Variants in SCAF8 observed in about 807,000 individuals in gnomAD.
The protein encoded by SCAF8 is SR-related and CTD-associated factor 8.
Under a neutral mutation model 140.5 loss-of-function variants are expected in SCAF8, and 23 were observed. The ratio of observed to expected loss-of-function variants is 0.16; its 90% CI spans 0.12 to 0.23. The LOEUF (loss-of-function observed/expected upper bound fraction) is 0.23. Among genes scored for constraint, SCAF8 ranks in the 10% least tolerant of loss-of-function variants. The pLI, the probability that SCAF8 is intolerant of heterozygous loss-of-function variation, is 1.00. For synonymous variants in SCAF8, 575 were observed against 528.9 expected (o/e 1.09, Z -1.20); for missense variants, 1,397 against 1,555.7 (o/e 0.90, Z 1.72).
rs370598712 is a variant in SCAF8 at position 154,788,034 on chromosome 6, G to GT, written c.321+24dup. 0.098 allele frequency: 99,486 copies of GT among 1,015,942 alleles called. 2 individuals are homozygous for GT. Among genetic ancestry groups the GT allele is most frequent in the South Asian group, 0.12 (6,507 of 55,748 alleles). The allele number at this position is 1,015,942 out of a possible 1,614,324, so 62.9% of individuals were successfully genotyped here. On this transcript the variant is annotated intron_variant, in intron 4 of 19. Coordinates refer to ENST00000367178, the MANE Select transcript of SCAF8 (RefSeq NM_014892.5). Reference sequence around the variant, plus strand: ...CTGGGGATGACAAGGTATGCTACTGGTTTTTTTTTTTTGTTTTTTTAAAAG... The same window carrying GT: ...CTGGGGATGACAAGGTATGCTACTGGTTTTTTTTTTTTTGTTTTTTTAAAAG...
chr6:154,750,830 C>G (rs563638275), intron 1 of SCAF8, among the ~76,000 whole-genome samples: 2 of 152,274 alleles, frequency 1.3e-5, no homozygotes, highest in Non-Finnish European at 2.9e-5. Context: ...CCAACTAATA[C>G]AATTCTGGTA....
At chr6:154,751,570 C>T (rs1019547404) in intron 1 of SCAF8, among the ~76,000 whole-genome samples, 1 of 152,036 alleles carries the variant, frequency 6.6e-6, no homozygotes, top group South Asian at 2.1e-4. Context: ...CTGAAAGACT[C>T]GTTTTACAGA....
chr6:154,738,294 A>G (rs1468031349), intron 1 of SCAF8, among the ~76,000 whole-genome samples: 2 of 152,112 alleles, frequency 1.3e-5, no homozygotes, highest in South Asian at 2.1e-4. Context: ...TTCATGCAAG[A>G]TATGTATGAG....
At chr6:154,766,695 C>T (rs1269667606) in intron 1 of SCAF8, among the ~76,000 whole-genome samples, 2 of 122,110 alleles carry the variant, frequency 1.6e-5, no homozygotes, top group East Asian at 6.3e-4. Flanking sequence ...GCTATATCCA[C>T]AATTTTATGA....
At chr6:154,749,326 A>G (rs1041286966) in intron 1 of SCAF8, among the ~76,000 whole-genome samples, 2 of 152,196 alleles carry the variant, frequency 1.3e-5, no homozygotes, top group Non-Finnish European at 2.9e-5. Flanking sequence ...CTTTAATACA[A>G]TAATAGCCTA....
At chr6:154,765,892 A>G (rs1331605619) in intron 1 of SCAF8, among the ~76,000 whole-genome samples, 1 of 152,186 alleles carries the variant, frequency 6.6e-6, no homozygotes. Context: ...CAGCTGACCC[A>G]TGAACAATGG....
chr6:154,829,889 G>T (rs1302685671), intron 18 of SCAF8, among the ~76,000 whole-genome samples: 1 of 152,152 alleles, frequency 6.6e-6, no homozygotes, highest in Non-Finnish European at 1.5e-5. Context: ...CCTGGCAACC[G>T]AGCGAGAGAC....
At chr6:154,761,967 A>G (rs543890076) in intron 1 of SCAF8, among the ~76,000 whole-genome samples, 36 of 152,334 alleles carry the variant, frequency 2.4e-4, no homozygotes, top group Admixed American at 1.9e-3. Flanking sequence ...TATGCAAAAT[A>G]CTGAATTTTT....
intron 1 of SCAF8, among the ~76,000 whole-genome samples, chr6:154,764,780 C>T (rs1489890352): frequency 6.6e-6 from 1 of 152,090 alleles, no homozygotes; most frequent in Non-Finnish European, 1.5e-5. Flanking sequence ...AAGTAAGGTC[C>T]CAGAATCAGC....
At chr6:154,770,408 TC>T (rs1776712408) in intron 1 of SCAF8, among the ~76,000 whole-genome samples, 1 of 149,752 alleles carries the variant, frequency 6.7e-6, no homozygotes, top group Admixed American at 6.6e-5. Context: ...TCTCTCTCTC[TC>T]TCTCTCTCTC....
At position 154,830,963 on chromosome 6, in the gene SCAF8, A is replaced by G; in HGVS notation, c.2182A>G (p.Lys728Glu). 6.2e-7 allele frequency: 1 copy of G among 1,614,122 alleles called. No individual in the cohort carries two copies. The highest frequency in any genetic ancestry group is 8.5e-7 in the Non-Finnish European group (1 of 1,179,970). The change falls in exon 19 of 20, where the codon AAA becomes GAA. Residue 728 changes from lysine to glutamate, a missense_variant. Physicochemically the swap from Lys to Glu is moderately conservative, Grantham distance 56. Transcript: ENST00000367178. ...ATTATCCATGACACCGGAAACTGTGAAAGATGTTGGATTTGGTAGCCTTGT... is the reference window on the plus strand; with the variant it reads ...ATTATCCATGACACCGGAAACTGTGGAAGATGTTGGATTTGGTAGCCTTGT... ...PSLSMTPETV[K>E]DVGFGSLVIP... is the part of the protein sequence containing the mutation.
At chr6:154,792,398 A>T (rs1777449021) in intron 4 of SCAF8, among the ~76,000 whole-genome samples, 1 of 152,252 alleles carries the variant, frequency 6.6e-6, no homozygotes, top group South Asian at 2.1e-4. Context: ...ACTTTGTCCT[A>T]CAAGTTACGT....
chr6:154,736,705 C>T (rs1427454894), intron 1 of SCAF8, among the ~76,000 whole-genome samples: 1 of 152,134 alleles, frequency 6.6e-6, no homozygotes, highest in Non-Finnish European at 1.5e-5. Context: ...GATAAGGGGG[C>T]CTAACATTTA....
chr6:154,736,865 C>G (rs1778435843), intron 1 of SCAF8, among the ~76,000 whole-genome samples: 1 of 152,140 alleles, frequency 6.6e-6, no homozygotes, highest in African/African-American at 2.4e-5. Flanking sequence ...TATTTATATG[C>G]TCTAACTTCA....
chr6:154,744,231 G>A lies in SCAF8; in HGVS notation c.30+10301G>A, dbSNP rs1003776350. 6.6e-5 allele frequency among the ~76,000 whole-genome samples: 10 copies of A among 152,296 alleles called. 1 individual carries two copies. The highest frequency in any genetic ancestry group is 5.9e-4 in the Admixed American group (9 of 15,302). On this transcript the variant is annotated intron_variant, in intron 1 of 19. Coordinates refer to ENST00000367178, the MANE Select transcript of SCAF8 (RefSeq NM_014892.5). ...CGCTTGAACCGGGGAGGGAGAGGTG[G>A]CAGTGAGCTGAGATTGCACCACTGC... is the stretch of plus-strand genomic sequence containing the variant.
At chr6:154,814,417 C>T (rs1401655298) in intron 12 of SCAF8, among the ~76,000 whole-genome samples, 3 of 152,174 alleles carry the variant, frequency 2.0e-5, no homozygotes, top group Non-Finnish European at 4.4e-5. Flanking sequence ...AGGAGATAAA[C>T]AGCTTGCAGG....
At chr6:154,812,969 C>T (rs1778139786) in intron 12 of SCAF8, among the ~76,000 whole-genome samples, 1 of 151,762 alleles carries the variant, frequency 6.6e-6, no homozygotes, top group South Asian at 2.1e-4. Flanking sequence ...GAGGCACAGG[C>T]CAGCAGATTG....
intron 1 of SCAF8, among the ~76,000 whole-genome samples, chr6:154,743,569 C>A (rs1489584104): frequency 6.6e-6 from 1 of 152,124 alleles, no homozygotes; most frequent in Non-Finnish European, 1.5e-5. Context: ...TGATGTGATT[C>A]CTCAGGGTTC....
Position 154,747,182 on chromosome 6 carries a change from C to T in SCAF8, c.30+13252C>T, listed in dbSNP as rs139486645. Among the ~76,000 whole-genome samples the T allele has an allele frequency of 1.1e-3, 169 of 152,158 alleles. 1 individual carries two copies. The highest frequency in any genetic ancestry group is 3.9e-3 in the African/African-American group (162 of 41,500). On this transcript the variant is annotated intron_variant, in intron 1 of 19. Transcript: ENST00000367178. Reference sequence around the variant, plus strand: ...TAGTAAATATTTTAGGTGTTGTGGGCCTCTTTGTATATTCTTCGTCTTTTA... The same window carrying T: ...TAGTAAATATTTTAGGTGTTGTGGGTCTCTTTGTATATTCTTCGTCTTTTA...
Sources: gnomAD v4.1 joint callset for allele counts (sites outside exome capture counted in the v4.1 genomes callset) on GRCh38, gnomAD v4.1.1 for gene constraint, MANE v1.5 for transcripts, NCBI Gene and HGNC (gene_info 2026-07-23, HGNC 2026-07-21) for gene names.